CYFIP2: variants seen among roughly 807,000 people sequenced by gnomAD.
CYFIP2 encodes the protein cytoplasmic FMR1-interacting protein 2.
A neutral mutation model predicts 158.7 loss-of-function variants in CYFIP2; 29 were observed. The ratio of observed to expected loss-of-function variants is 0.18; its 90% CI spans 0.14 to 0.25. The LOEUF is 0.25. Among genes scored for constraint, CYFIP2 ranks in the 10% least tolerant of loss-of-function variants. CYFIP2 has a pLI of 1.00. For missense variants in CYFIP2, 852 were observed against 1,639.5 expected, an observed-to-expected ratio of 0.52 and a Z score of 8.29; for synonymous variants, 585 against 617.6, an observed-to-expected ratio of 0.95 and a Z score of 0.78.
At chr5:157,312,439 C>G (rs1333559162) in intron 11 of CYFIP2, among the ~76,000 whole-genome samples, 1 of 151,856 alleles carries the variant, frequency 6.6e-6, no homozygotes, top group Non-Finnish European at 1.5e-5. Context: ...CCAACTAAGA[C>G]TGGTATTTGG....
At chr5:157,391,442 A>T (rs1011964246) in intron 30 of CYFIP2, among the ~76,000 whole-genome samples, 1 of 152,244 alleles carries the variant, frequency 6.6e-6, no homozygotes, top group African/African-American at 2.4e-5. Context: ...CCATTAAAAA[A>T]TAATTCCATT....
chr5:157,379,399 C>T (rs189550593), intron 26 of CYFIP2, among the ~76,000 whole-genome samples: 7 of 151,792 alleles, frequency 4.6e-5, no homozygotes, highest in Admixed American at 1.3e-4. Flanking sequence ...AGACACAAAC[C>T]GCCAAAACTC....
chr5:157,309,693 A>G (rs757758523), intron 9 of CYFIP2, 50 bp from the exon 10 acceptor site: 1 of 1,541,112 alleles, frequency 6.5e-7, no homozygotes, highest in East Asian at 2.4e-5. Flanking sequence ...GAAGGCAGCC[A>G]CCCCAACCCC....
intron 3 of CYFIP2, among the ~76,000 whole-genome samples, chr5:157,293,873 ATGGGTGCTGATTGAT>A (rs1272103070): frequency 2.6e-5 from 4 of 152,104 alleles, no homozygotes; most frequent in African/African-American, 9.7e-5. Flanking sequence ...GGGCTAGGGA[ATGGGTGCTGATTGAT>A]TGGGGATCCA....
chr5:157,330,773 T>G lies in CYFIP2; in HGVS notation c.2188T>G (p.Cys730Gly). 1 of 1,613,922 alleles carries G rather than the reference T, an allele frequency of 6.2e-7. No individual in the cohort carries two copies. Among genetic ancestry groups the G allele is most frequent in the Non-Finnish European group, 8.5e-7 (1 of 1,179,872 alleles). Residue 730 changes from cysteine (C) to glycine (G), a missense_variant, in exon 20 of 31, where the codon TGT (cysteine) becomes GGT (glycine). By Grantham distance (159) the Cys-to-Gly change is radical (BLOSUM62 -3). Transcript: ENST00000620254. ...VLLDKRFRAE[C>G]KNYGVIIPYP... Reference sequence around the variant, plus strand: ...GTTGGATAAACGTTTTCGAGCTGAGTGTAAGAATTATGGCGTCATCATTCC... The same window carrying G: ...GTTGGATAAACGTTTTCGAGCTGAGGGTAAGAATTATGGCGTCATCATTCC...
At chr5:157,328,099 A>G (rs556789934) in intron 19 of CYFIP2, 50 bp downstream of exon 19, 1 of 1,543,528 alleles carries the variant, frequency 6.5e-7, no homozygotes, top group South Asian at 1.1e-5. Context: ...ACTGCCACCT[A>G]GAAGACATGA....
intron 16 of CYFIP2, 57 bp from the exon 17 acceptor site, chr5:157,325,425 G>A: frequency 6.6e-7 from 1 of 1,517,492 alleles, no homozygotes; most frequent in Non-Finnish European, 8.8e-7. Context: ...AAAACAATGA[G>A]AACTAAGGTC....
chr5:157,384,451 C>T (rs1459503262), intron 28 of CYFIP2: 2 of 456,854 alleles, frequency 4.4e-6, no homozygotes, highest in Middle Eastern at 6.5e-4. Context: ...CGGCGGTCCT[C>T]TTTGGTGTTC....
At chr5:157,372,255 T>G (rs1202669378) in intron 26 of CYFIP2, among the ~76,000 whole-genome samples, 1 of 152,208 alleles carries the variant, frequency 6.6e-6, no homozygotes, top group Non-Finnish European at 1.5e-5. Context: ...ATTCTGAGGT[T>G]GCACAGGAGG....
chr5:157,304,204 CGCT>C (rs772448892), intron 7 of CYFIP2, 31 bp from the exon 8 acceptor site: 1 of 1,597,176 alleles, frequency 6.3e-7, no homozygotes, highest in Non-Finnish European at 8.5e-7. Flanking sequence ...AGGATACATG[CGCT>C]GCCTAACCTG....
intron 13 of CYFIP2, among the ~76,000 whole-genome samples, chr5:157,318,065 G>T (rs1251174432): frequency 6.6e-6 from 1 of 151,926 alleles, no homozygotes; most frequent in Non-Finnish European, 1.5e-5. Flanking sequence ...TAAAAAATCG[G>T]GTTTCTGTCT....
chr5:157,295,045 A>G (rs1398597975), intron 4 of CYFIP2, among the ~76,000 whole-genome samples, 185 bp downstream of exon 4: 1 of 152,254 alleles, frequency 6.6e-6, no homozygotes, highest in African/African-American at 2.4e-5. Context: ...ACAGGGACGC[A>G]TGTCGAGGGA....
chr5:157,344,768 A>G (rs1762558211), intron 23 of CYFIP2, among the ~76,000 whole-genome samples: 1 of 152,208 alleles, frequency 6.6e-6, no homozygotes, highest in African/African-American at 2.4e-5. Context: ...GCAGTGACAT[A>G]GTAAACAGCT....
rs1421549926 is a variant in CYFIP2 at position 157,361,428 on chromosome 5, A to C, written c.2909-40A>C. 1 of 1,612,570 alleles carries C rather than the reference A, an allele frequency of 6.2e-7. No homozygotes were observed. The highest frequency in any genetic ancestry group is 1.3e-5 in the African/African-American group (1 of 74,872). Reference sequence around the variant, plus strand: ...TTGTTTCCCATAGACCCTACTGAGCAGTGTCAACTTCCCACTGACCACCCC... The same window carrying C: ...TTGTTTCCCATAGACCCTACTGAGCCGTGTCAACTTCCCACTGACCACCCC... On this transcript the variant is annotated intron_variant, in intron 25 of 30. Coordinates refer to ENST00000620254, the MANE Select transcript of CYFIP2 (RefSeq NM_001037333.3). The surrounding 1 kb of genome is among the most constrained non-coding windows in gnomAD (Gnocchi z 4.4).
chr5:157,384,800 C>T (rs1353996580), intron 28 of CYFIP2: 7 of 297,026 alleles, frequency 2.4e-5, no homozygotes, highest in African/African-American at 1.1e-4. Context: ...ATTAGCCAGG[C>T]GTGGTGGCGG....
chr5:157,315,177 A>C (rs1362491941), intron 13 of CYFIP2, 83 bp downstream of exon 13: 8 of 1,536,690 alleles, frequency 5.2e-6, no homozygotes, highest in Non-Finnish European at 7.0e-6. Context: ...GCAAGAAAAC[A>C]GCATCGGTTG....
intron 26 of CYFIP2, among the ~76,000 whole-genome samples, chr5:157,369,773 A>G (rs1438130042): frequency 6.6e-6 from 1 of 152,178 alleles, no homozygotes; most frequent in East Asian, 1.9e-4. Flanking sequence ...GGTTAGTGCA[A>G]TGGTCTCAAC....
At chr5:157,279,713 A>G (rs982177814) in intron 1 of CYFIP2, among the ~76,000 whole-genome samples, 35 of 152,264 alleles carry the variant, frequency 2.3e-4, no homozygotes, top group Admixed American at 1.3e-4. Flanking sequence ...TGTGTTTGGT[A>G]AATGATGCTC....
intron 1 of CYFIP2, among the ~76,000 whole-genome samples, chr5:157,272,121 A>T (rs1756150645): frequency 6.6e-6 from 1 of 152,194 alleles, no homozygotes; most frequent in Admixed American, 6.5e-5. Context: ...CGAAGGGGAA[A>T]GTCCTTTAGC....
Sources: allele counts gnomAD v4.1 joint callset (sites outside exome capture counted in the v4.1 genomes callset), GRCh38; gene constraint gnomAD v4.1.1; non-coding constraint Gnocchi (gnomAD v3.1); transcripts MANE v1.5; gene names NCBI Gene and HGNC (gene_info 2026-07-23, HGNC 2026-07-21).